Variants in GALNTL6 observed in about 807,000 individuals in gnomAD.
The protein encoded by GALNTL6 is polypeptide N-acetylgalactosaminyltransferase-like 6.
A neutral mutation model predicts 73.7 loss-of-function variants in GALNTL6; 46 were observed. The observed-to-expected ratio is 0.62, with a 90% CI of 0.49 to 0.80. The LOEUF is 0.80. Ranked by LOEUF, GALNTL6 falls within the 30% of genes least tolerant of loss-of-function variation. The pLI is 0.00. For synonymous variants in GALNTL6, 259 were observed against 263.7 expected, an observed-to-expected ratio of 0.98 and a Z score of 0.17; for missense variants, 604 against 755.0, an observed-to-expected ratio of 0.80 and a Z score of 2.34.
At chr4:172,758,852 A>G (rs964898039) in intron 5 of GALNTL6, among the ~76,000 whole-genome samples, 2 of 152,204 alleles carry the variant, frequency 1.3e-5, no homozygotes, top group African/African-American at 4.8e-5. Context: ...TATAAGGCTC[A>G]GAACTATTTG....
At chr4:172,235,975 A>G (rs922234759) in intron 3 of GALNTL6, among the ~76,000 whole-genome samples, 2 of 152,208 alleles carry the variant, frequency 1.3e-5, no homozygotes, top group Non-Finnish European at 2.9e-5. Flanking sequence ...GTTGCAGCAA[A>G]GGACATTATT....
intron 7 of GALNTL6, among the ~76,000 whole-genome samples, chr4:172,837,040 TATACGATTTTCATTAAAATAATACAA>T (rs570990883): frequency 6.6e-6 from 1 of 152,296 alleles, no homozygotes; most frequent in Non-Finnish European, 1.5e-5. Flanking sequence ...TAACCTACAT[TATACGATTTTCATTAAAATAATACAA>T]AATTCTACAA....
At chr4:172,377,103 T>G (rs538891943) in intron 5 of GALNTL6, among the ~76,000 whole-genome samples, 1 of 152,246 alleles carries the variant, frequency 6.6e-6, no homozygotes, top group East Asian at 1.9e-4. Flanking sequence ...CAGCCTGCGT[T>G]TATTCCCTTA....
At chr4:172,502,666 A>C (rs1040745412) in intron 5 of GALNTL6, among the ~76,000 whole-genome samples, 1 of 152,360 alleles carries the variant, frequency 6.6e-6, no homozygotes, top group South Asian at 2.1e-4. Context: ...CCAAAAATCA[A>C]GTTAGTTTAA....
At chr4:171,953,225 CGTGTGTGTGTGTGTGTGT>C (rs36214606) in intron 2 of GALNTL6, among the ~76,000 whole-genome samples, 2 of 147,022 alleles carry the variant, frequency 1.4e-5, no homozygotes, top group African/African-American at 2.5e-5. Context: ...CGCATGCGCA[CGTGTGTGTGTGTGTGTGT>C]GTGTGTGTGT....
At chr4:172,987,303 G>T (rs771286045) in intron 10 of GALNTL6, among the ~76,000 whole-genome samples, 1 of 152,062 alleles carries the variant, frequency 6.6e-6, no homozygotes, top group Non-Finnish European at 1.5e-5. Flanking sequence ...TCACATGGTG[G>T]CAGCAAGGAG....
chr4:172,490,678 TAAC>T (rs1235845469), intron 5 of GALNTL6, among the ~76,000 whole-genome samples: 4 of 152,182 alleles, frequency 2.6e-5, no homozygotes, highest in Non-Finnish European at 5.9e-5. Context: ...TGTCTCATTT[TAAC>T]AACAACACTC....
intron 5 of GALNTL6, among the ~76,000 whole-genome samples, chr4:172,799,243 T>C (rs540850004): frequency 6.6e-6 from 1 of 152,294 alleles, no homozygotes; most frequent in Non-Finnish European, 1.5e-5. Context: ...AAGTCTGATG[T>C]TAAGTACTCT....
rs531661798 is a variant in GALNTL6 at position 172,154,293 on chromosome 4, C to T, written c.139-75363C>T. ...TGTTGCCCAGGCTGGTGTGCAATGG[C>T]GCGATCTCCGCTCACCACAACCTCT... is the stretch of plus-strand genomic sequence containing the variant. On this transcript the variant is annotated intron_variant, in intron 2 of 12. Transcript: ENST00000506823. 3.0e-4 allele frequency among the ~76,000 whole-genome samples: 45 copies of T among 151,894 alleles called. No individual in the cohort carries two copies. In the South Asian group the frequency reaches 8.9e-3, roughly 30 times the overall value.
chr4:172,831,054 G>A (rs1300041556), intron 7 of GALNTL6, among the ~76,000 whole-genome samples: 2 of 38,082 alleles, frequency 5.3e-5, no homozygotes, highest in Non-Finnish European at 1.0e-4. Flanking sequence ...AGCTACTGAG[G>A]AGGCTGAGGC....
At chr4:172,676,042 AG>A (rs1732286070) in intron 5 of GALNTL6, among the ~76,000 whole-genome samples, 1 of 152,238 alleles carries the variant, frequency 6.6e-6, no homozygotes, top group South Asian at 2.1e-4. Context: ...TAAATAAAAA[AG>A]TATATATGAT....
chr4:172,324,019 T>C (rs924859811), intron 4 of GALNTL6, among the ~76,000 whole-genome samples: 14 of 151,994 alleles, frequency 9.2e-5, no homozygotes, highest in African/African-American at 2.9e-4. Flanking sequence ...ATCATAACCA[T>C]TTAGACTATG....
At position 172,974,826 on chromosome 4, in the gene GALNTL6, C is replaced by T. The variant is rs141926710; in HGVS notation, c.1371+22568C>T. Among the ~76,000 whole-genome samples, 1,364 of 152,326 alleles carry T rather than the reference C, an allele frequency of 9.0e-3. 24 individuals are homozygous for T. The highest frequency in any genetic ancestry group is 0.031 in the African/African-American group (1,292 of 41,560). On this transcript the variant is annotated intron_variant, in intron 10 of 12. Coordinates refer to ENST00000506823, the MANE Select transcript of GALNTL6 (RefSeq NM_001034845.3). Reference sequence around the variant, plus strand: ...CAGCAGGGCAGGCAGCTCCAGGCACCGGCACGGACACTGGCTCCCTGCAAG... The same window carrying T: ...CAGCAGGGCAGGCAGCTCCAGGCACTGGCACGGACACTGGCTCCCTGCAAG...
At chr4:172,207,025 G>T (rs577767890) in intron 2 of GALNTL6, among the ~76,000 whole-genome samples, 5 of 151,050 alleles carry the variant, frequency 3.3e-5, no homozygotes, top group Admixed American at 2.0e-4. Flanking sequence ...CACCATGTTA[G>T]CCAGGATGAT....
chr4:172,996,225 C>A (rs1305495571), intron 10 of GALNTL6, among the ~76,000 whole-genome samples: 1 of 151,964 alleles, frequency 6.6e-6, no homozygotes, highest in South Asian at 2.1e-4. Flanking sequence ...AAAATGAGAT[C>A]ATGTCCTTTG....
chr4:172,120,336 G>A (rs1733113055), intron 2 of GALNTL6, among the ~76,000 whole-genome samples: 1 of 152,124 alleles, frequency 6.6e-6, no homozygotes, highest in Non-Finnish European at 1.5e-5. Flanking sequence ...AAACTAAGGT[G>A]CCAGCAGAAC....
intron 2 of GALNTL6, among the ~76,000 whole-genome samples, chr4:171,970,746 CA>C (rs754750685): frequency 1.3e-4 from 20 of 151,894 alleles, no homozygotes; most frequent in Non-Finnish European, 2.6e-4. Context: ...GCACAAAATG[CA>C]AAATAAGATT....
Position 172,707,371 on chromosome 4 carries a change from T to C in GALNTL6, c.554-101990T>C, listed in dbSNP as rs142180818. On this transcript the variant is annotated intron_variant, in intron 5 of 12. Coordinates refer to ENST00000506823, the MANE Select transcript of GALNTL6 (RefSeq NM_001034845.3). Reference sequence around the variant, plus strand: ...TCAGTAGTCAGATAGATCTGCCCTATTGACACACCTCTTAAAATCACAAGT... The same window carrying C: ...TCAGTAGTCAGATAGATCTGCCCTACTGACACACCTCTTAAAATCACAAGT... 1.6e-3 allele frequency among the ~76,000 whole-genome samples: 239 copies of C among 152,336 alleles called. 1 individual carries two copies. The highest frequency in any genetic ancestry group is 5.4e-3 in the African/African-American group (225 of 41,582).
chr4:171,883,802 C>A (rs7434363), intron 2 of GALNTL6, among the ~76,000 whole-genome samples: 7 of 152,096 alleles, frequency 4.6e-5, no homozygotes, highest in Admixed American at 6.5e-5. Context: ...CGCCTGCCAC[C>A]ACACCTGGCT....
Sources: allele counts gnomAD v4.1 joint callset (sites outside exome capture counted in the v4.1 genomes callset), GRCh38; gene constraint gnomAD v4.1.1; transcripts MANE v1.5; gene names NCBI Gene and HGNC (gene_info 2026-07-23, HGNC 2026-07-21).